The following SNTG1 variants were observed in gnomAD, a reference collection of about 807,000 sequenced individuals.
SNTG1 encodes gamma-1-syntrophin.
Under a neutral mutation model 74.7 loss-of-function variants are expected in SNTG1, and 39 were observed. The observed-to-expected ratio is 0.52, with a 90% confidence interval of 0.40 to 0.68. The LOEUF is 0.68. Among genes scored for constraint, SNTG1 ranks in the 30% least tolerant of loss-of-function variants. SNTG1 has a pLI of 0.00. For missense variants in SNTG1, 685 were observed against 609.5 expected, an observed-to-expected ratio of 1.12 and a Z score of -1.30; for synonymous variants, 254 against 217.1, an observed-to-expected ratio of 1.17 and a Z score of -1.49.
intron 2 of SNTG1, among the ~76,000 whole-genome samples, chr8:50,331,345 A>T (rs1256624032): frequency 1.3e-5 from 2 of 152,194 alleles, no homozygotes; most frequent in African/African-American, 2.4e-5. Context: ...TCAGAAGAAA[A>T]ATCTCTGATA....
chr8:50,606,498 C>G (rs1358886083), intron 13 of SNTG1, among the ~76,000 whole-genome samples: 1 of 151,882 alleles, frequency 6.6e-6, no homozygotes, highest in Non-Finnish European at 1.5e-5. Flanking sequence ...GATGTAGGAA[C>G]AATAGACAAT....
intron 8 of SNTG1, among the ~76,000 whole-genome samples, chr8:50,479,495 C>T (rs1165863922): frequency 1.3e-5 from 2 of 152,066 alleles, no homozygotes; most frequent in South Asian, 2.1e-4. Context: ...GGAATATTCT[C>T]GGTTTCTTTC....
At chr8:49,997,362 A>C (rs1814326000) in intron 1 of SNTG1, among the ~76,000 whole-genome samples, 1 of 152,080 alleles carries the variant, frequency 6.6e-6, no homozygotes. Flanking sequence ...ATAAGTATAT[A>C]AATATATTGT....
chr8:50,497,540 C>A (rs2093915189), intron 8 of SNTG1, among the ~76,000 whole-genome samples: 1 of 151,602 alleles, frequency 6.6e-6, no homozygotes, highest in Non-Finnish European at 1.5e-5. Flanking sequence ...ATACATAAGC[C>A]AAGTTCATAA....
chr8:50,247,826 A>G (rs753235446), intron 2 of SNTG1, among the ~76,000 whole-genome samples: 1 of 151,914 alleles, frequency 6.6e-6, no homozygotes, highest in Non-Finnish European at 1.5e-5. Context: ...GCTTGGTCCC[A>G]TGGGTTTTTC....
At chr8:50,622,888 T>C (rs1684757807) in intron 13 of SNTG1, among the ~76,000 whole-genome samples, 1 of 152,164 alleles carries the variant, frequency 6.6e-6, no homozygotes, top group Admixed American at 6.5e-5. Flanking sequence ...TGTCTCCTTA[T>C]AATGAATTCT....
At chr8:50,180,750 C>CTTTTTTTTTT (rs60630226) in intron 2 of SNTG1, among the ~76,000 whole-genome samples, 1 of 80,648 alleles carries the variant, frequency 1.2e-5, no homozygotes, top group African/African-American at 6.4e-5. Flanking sequence ...ATTGTGAAGC[C>CTTTTTTTTTT]TTTTTTTTTT....
At chr8:50,643,097 C>G (rs2095084481) in intron 13 of SNTG1, among the ~76,000 whole-genome samples, 1 of 152,174 alleles carries the variant, frequency 6.6e-6, no homozygotes, top group Non-Finnish European at 1.5e-5. Flanking sequence ...TCTCATGAAT[C>G]AAGATGGCCT....
At chr8:50,697,456 T>C (rs566260727) in intron 15 of SNTG1, among the ~76,000 whole-genome samples, 1 of 152,334 alleles carries the variant, frequency 6.6e-6, no homozygotes, top group South Asian at 2.1e-4. Flanking sequence ...AGTACTTTAT[T>C]ACTATGTTAA....
At chr8:50,017,795 CAGAG>C (rs1310932023) in intron 1 of SNTG1, among the ~76,000 whole-genome samples, 1 of 151,932 alleles carries the variant, frequency 6.6e-6, no homozygotes, top group East Asian at 1.9e-4. Context: ...GAGAGAAAGA[CAGAG>C]AGAACTAAAC....
intron 9 of SNTG1, among the ~76,000 whole-genome samples, chr8:50,522,522 A>G (rs1284907730): frequency 6.6e-6 from 1 of 151,738 alleles, no homozygotes; most frequent in East Asian, 1.9e-4. Flanking sequence ...TAGCAGCTGC[A>G]TTAGCCCCTA....
At chr8:50,778,226 G>C (rs1186336342) in intron 18 of SNTG1, among the ~76,000 whole-genome samples, 1 of 152,268 alleles carries the variant, frequency 6.6e-6, no homozygotes, top group East Asian at 1.9e-4. Flanking sequence ...CCAGTAACAG[G>C]ATGGCTGGGT....
chr8:50,419,262 C>T (rs1351264958), intron 4 of SNTG1, among the ~76,000 whole-genome samples: 1 of 152,092 alleles, frequency 6.6e-6, no homozygotes, highest in Non-Finnish European at 1.5e-5. Flanking sequence ...TCTACTCTAC[C>T]AAAATACCAC....
At chr8:50,724,007 A>G (rs1016386727) in intron 17 of SNTG1, among the ~76,000 whole-genome samples, 1 of 152,136 alleles carries the variant, frequency 6.6e-6, no homozygotes, top group African/African-American at 2.4e-5. Context: ...TTTTTCCAAG[A>G]ACATAAGGAG....
At chr8:50,289,380 A>G (rs920912766) in intron 2 of SNTG1, among the ~76,000 whole-genome samples, 1 of 152,186 alleles carries the variant, frequency 6.6e-6, no homozygotes, top group African/African-American at 2.4e-5. Flanking sequence ...AGTGCCCATG[A>G]TTCTTTTGTA....
intron 15 of SNTG1, among the ~76,000 whole-genome samples, chr8:50,660,241 G>GGAAGGAAGGAAAGAAGGAAGGAAA (rs1268485246): frequency 0.02 from 2,942 of 144,076 alleles, 108 homozygotes; most frequent in African/African-American, 0.07. Flanking sequence ...AAGGAAAGAA[G>GGAAGGAAGGAAAGAAGGAAGGAAA]GAAGGAAAGA....
intron 2 of SNTG1, among the ~76,000 whole-genome samples, chr8:50,251,559 A>G (rs751898135): frequency 1.4e-4 from 22 of 151,788 alleles, no homozygotes; most frequent in Non-Finnish European, 2.5e-4. Context: ...GGAAACCAAA[A>G]CCAAGCAGAG....
intron 5 of SNTG1, among the ~76,000 whole-genome samples, chr8:50,441,412 A>G: frequency 6.6e-6 from 1 of 152,172 alleles, no homozygotes; most frequent in African/African-American, 2.4e-5. Context: ...AGGTTGAGGC[A>G]GTTCAGTGTC....
chr8:50,750,405 AC>A (rs1170238466), intron 17 of SNTG1, among the ~76,000 whole-genome samples: 1 of 152,078 alleles, frequency 6.6e-6, no homozygotes, highest in Admixed American at 6.6e-5. Flanking sequence ...TTAGAATATT[AC>A]ATTAATTTAG....
Sources: allele counts gnomAD v4.1 joint callset (sites outside exome capture counted in the v4.1 genomes callset), GRCh38; gene constraint gnomAD v4.1.1; transcripts MANE v1.5; gene names NCBI Gene and HGNC (gene_info 2026-07-23, HGNC 2026-07-21).